WDR7: variants seen among roughly 807,000 people sequenced by gnomAD.
WDR7 encodes WD repeat-containing protein 7.
In WDR7, 46 loss-of-function variants were observed where a neutral mutation model predicts 169.4. The observed-to-expected ratio is 0.27, with a 90% CI of 0.21 to 0.35. The LOEUF is 0.35. Among genes scored for constraint, WDR7 ranks in the 10% least tolerant of loss-of-function variants. The pLI, the probability that WDR7 is intolerant of heterozygous loss-of-function variation, is 1.00. For synonymous variants in WDR7, 612 were observed against 666.8 expected (o/e 0.92, Z 1.27); for missense variants, 1,534 against 1,859.3 (o/e 0.83, Z 3.22).
At chr18:56,799,854 G>C (rs1258289144) in intron 19 of WDR7, among the ~76,000 whole-genome samples, 1 of 152,100 alleles carries the variant, frequency 6.6e-6, no homozygotes, top group East Asian at 1.9e-4. Context: ...TTTATTGCTG[G>C]CATTCTCTGT....
intron 20 of WDR7, among the ~76,000 whole-genome samples, chr18:56,845,228 T>C (rs1180388247): frequency 6.6e-6 from 1 of 152,152 alleles, no homozygotes; most frequent in Non-Finnish European, 1.5e-5. Context: ...CAAAAGATTT[T>C]CTCTTTTAAT....
At chr18:56,858,917 A>AT (rs1419761629) in intron 20 of WDR7, among the ~76,000 whole-genome samples, 1 of 152,158 alleles carries the variant, frequency 6.6e-6, no homozygotes, top group East Asian at 1.9e-4. Context: ...AAATTAGTGT[A>AT]TTTTTTATAA....
intron 26 of WDR7, among the ~76,000 whole-genome samples, chr18:56,970,084 C>CA (rs952156348): frequency 3.1e-4 from 47 of 151,950 alleles, no homozygotes; most frequent in African/African-American, 8.7e-4. Context: ...AAATAAATAT[C>CA]AAAAAATGTT....
intron 20 of WDR7, among the ~76,000 whole-genome samples, chr18:56,843,165 C>T (rs1430632415): frequency 6.6e-6 from 1 of 152,196 alleles, no homozygotes; most frequent in African/African-American, 2.4e-5. Context: ...TTGCCTCTTT[C>T]AGCTGTCTAG....
At chr18:56,965,371 G>A (rs1166296201) in intron 26 of WDR7, among the ~76,000 whole-genome samples, 1 of 151,840 alleles carries the variant, frequency 6.6e-6, no homozygotes, top group Non-Finnish European at 1.5e-5. Context: ...GTCATTGTGA[G>A]ATTGGTTGGT....
At position 56,987,285 on chromosome 18, in the gene WDR7, CAAAAA is replaced by C. The variant is rs74182165; in HGVS notation, c.4164+24778_4164+24782del. Among the ~76,000 whole-genome samples the C allele has an allele frequency of 1.6e-3, 121 of 75,264 alleles. 1 individual carries two copies. The highest frequency in any genetic ancestry group is 5.2e-3 in the African/African-American group (110 of 21,262). The allele number at this position is 75,264 out of a possible 152,430, so 49.4% of individuals were successfully genotyped here. A position where few individuals can be genotyped will look rare whatever the true frequency, so the allele number is the denominator to read the frequency against. The stretch of plus-strand genomic sequence containing the variant: ...AAAGGTTAAGCCTTATCATCTGTAC[CAAAAA>C]AAAAAAAAAAAAAAAAAAAAAGGTG... On this transcript the variant is annotated intron_variant, in intron 26 of 27. Coordinates refer to ENST00000254442, the MANE Select transcript of WDR7 (RefSeq NM_015285.3).
chr18:56,897,576 G>T (rs1219669836), intron 21 of WDR7, among the ~76,000 whole-genome samples: 1 of 151,946 alleles, frequency 6.6e-6, no homozygotes, highest in Non-Finnish European at 1.5e-5. Flanking sequence ...GGTGAATTCA[G>T]GTAGAACTAC....
intron 26 of WDR7, among the ~76,000 whole-genome samples, chr18:56,991,796 TC>T (rs1370267541): frequency 6.6e-6 from 1 of 152,250 alleles, no homozygotes; most frequent in Non-Finnish European, 1.5e-5. Context: ...TAAAATGTGA[TC>T]CCAGCGATCT....
At chr18:56,653,656 G>T (rs986875245) in intron 1 of WDR7, among the ~76,000 whole-genome samples, 2 of 152,100 alleles carry the variant, frequency 1.3e-5, no homozygotes, top group Non-Finnish European at 2.9e-5. Flanking sequence ...TTATAGAGAT[G>T]ATATCGTGCA....
chr18:56,667,258 A>G, intron 1 of WDR7, among the ~76,000 whole-genome samples: 1 of 151,932 alleles, frequency 6.6e-6, no homozygotes, highest in East Asian at 1.9e-4. Context: ...CCCATGACTT[A>G]TTGTTCTTCC....
chr18:56,728,107 G>A (rs2026500649), intron 13 of WDR7, among the ~76,000 whole-genome samples: 1 of 152,160 alleles, frequency 6.6e-6, no homozygotes, highest in African/African-American at 2.4e-5. Context: ...TCTTTGGCAA[G>A]AAAATCACTG....
chr18:56,834,828 A>G (rs1040854228), intron 20 of WDR7, among the ~76,000 whole-genome samples: 5 of 152,146 alleles, frequency 3.3e-5, no homozygotes, highest in African/African-American at 1.2e-4. Context: ...GCAGGGCTTG[A>G]TATTTGTTCT....
intron 12 of WDR7, among the ~76,000 whole-genome samples, chr18:56,698,059 A>G (rs1182378687): frequency 2.0e-5 from 3 of 151,932 alleles, no homozygotes; most frequent in Non-Finnish European, 4.4e-5. Flanking sequence ...GCCAGGTGTG[A>G]TGGTGCATGC....
rs373136606 is a variant in WDR7, at chr18:56,813,180, T to TA, written c.3191-2839dup. On this transcript the variant is annotated intron_variant, in intron 19 of 27. Transcript: ENST00000254442. ...ATGTACCCTAAAACTTAGAGTATAA[T>TA]AAAAAAAAAAAACATTAAAAAAAAA... Among the ~76,000 whole-genome samples the TA allele has an allele frequency of 8.1e-3, 1,075 of 133,350 alleles. 4 individuals are homozygous for TA. The highest frequency in any genetic ancestry group is 0.054 in the Middle Eastern group (14 of 260). 87.5% of individuals were successfully genotyped at this position (133,350 alleles called of 152,430 possible).
chr18:57,014,373 C>T (rs1464096546), intron 26 of WDR7, among the ~76,000 whole-genome samples: 6 of 149,420 alleles, frequency 4.0e-5, no homozygotes, highest in Non-Finnish European at 7.4e-5. Context: ...AGAAAGTCCA[C>T]ATCTTGAGGC....
chr18:56,888,413 G>C (rs1424781871), intron 21 of WDR7, among the ~76,000 whole-genome samples: 2 of 152,168 alleles, frequency 1.3e-5, no homozygotes, highest in Non-Finnish European at 2.9e-5. Context: ...TAAAATAAAA[G>C]GCAGGAGCTA....
chr18:56,892,042 C>A (rs1300038304), intron 21 of WDR7, among the ~76,000 whole-genome samples: 1 of 152,014 alleles, frequency 6.6e-6, no homozygotes, highest in East Asian at 1.9e-4. Context: ...ACATTATAGA[C>A]CCTGCCTGTC....
intron 21 of WDR7, among the ~76,000 whole-genome samples, chr18:56,888,976 T>C (rs2046231730): frequency 6.6e-6 from 1 of 152,190 alleles, no homozygotes; most frequent in Admixed American, 6.5e-5. Flanking sequence ...TTCAGACTTG[T>C]CCTGAATTAG....
Position 56,955,015 on chromosome 18 carries a change from A to G in WDR7, c.4065-7415A>G, listed in dbSNP as rs181490093. On this transcript the variant is annotated intron_variant, in intron 25 of 27. Coordinates refer to ENST00000254442, the MANE Select transcript of WDR7 (RefSeq NM_015285.3). ...CTTAAAATCTAGTAAGGAAATGAAC[A>G]CTGTCTACTTTAGAACAGTGCATGA... Among the ~76,000 whole-genome samples, 177 of 152,280 alleles carry G rather than the reference A, an allele frequency of 1.2e-3. 6 individuals carry two copies. Among genetic ancestry groups the G allele is most frequent in the Admixed American group, 0.011 (175 of 15,298 alleles).
Sources: gnomAD v4.1 joint callset for allele counts (sites outside exome capture counted in the v4.1 genomes callset) on GRCh38, gnomAD v4.1.1 for gene constraint, MANE v1.5 for transcripts, NCBI Gene and HGNC (gene_info 2026-07-23, HGNC 2026-07-21) for gene names.